Variants in ST18 observed in about 807,000 individuals in gnomAD.
ST18 encodes the protein ST18 C2H2C-type zinc finger transcription factor.
In ST18, 50 loss-of-function variants were observed where a neutral mutation model predicts 110.0. The observed-to-expected ratio is 0.45, with a 90% CI of 0.36 to 0.58. The LOEUF (loss-of-function observed/expected upper bound fraction) is 0.58. Among genes scored for constraint, ST18 ranks in the 20% least tolerant of loss-of-function variants. ST18 has a pLI of 0.00. For synonymous variants in ST18, 461 were observed against 452.4 expected (o/e 1.02, Z -0.24); for missense variants, 1,306 against 1,280.1 (o/e 1.02, Z -0.31).
chr8:52,355,472 A>G (rs1822288305), intron 2 of ST18, among the ~76,000 whole-genome samples: 1 of 152,250 alleles, frequency 6.6e-6, no homozygotes, highest in South Asian at 2.1e-4. Context: ...GTGGATAATG[A>G]TAATAAAGAT....
At chr8:52,299,270 C>T (rs1282364091) in intron 2 of ST18, among the ~76,000 whole-genome samples, 2 of 152,112 alleles carry the variant, frequency 1.3e-5, no homozygotes, top group Non-Finnish European at 2.9e-5. Flanking sequence ...TTGTTTCTCT[C>T]TGGGTAGCAT....
chr8:52,116,251 G>A (rs776876915), intron 25 of ST18, 24 bp downstream of exon 25: 3 of 1,606,822 alleles, frequency 1.9e-6, no homozygotes, highest in Non-Finnish European at 2.5e-6. Flanking sequence ...TAATGGAATG[G>A]CAAGGTTCTG....
intron 2 of ST18, among the ~76,000 whole-genome samples, chr8:52,241,442 T>C (rs967311134): frequency 1.6e-4 from 24 of 152,240 alleles, no homozygotes; most frequent in Non-Finnish European, 3.4e-4. Context: ...GAAGGCTGAG[T>C]AGTATAGTGA....
At chr8:52,317,938 C>T (rs2096060081) in intron 2 of ST18, among the ~76,000 whole-genome samples, 1 of 152,068 alleles carries the variant, frequency 6.6e-6, no homozygotes, top group Non-Finnish European at 1.5e-5. Context: ...TAGAAGAAAA[C>T]CTAGGCAATA....
At position 52,214,415 on chromosome 8, in the gene ST18, C is replaced by G. The variant is rs537765975; in HGVS notation, c.1-158G>C. ...TATAGTACATAACTGTGACTCCCCC[C>G]ACATACCACCAGCTTTGGAAATACA... On this transcript the variant is annotated intron_variant, in intron 6 of 25. Coordinates refer to ENST00000689386, the MANE Select transcript of ST18 (RefSeq NM_001352837.2). 75 of 629,774 alleles carry G rather than the reference C, an allele frequency of 1.2e-4. No homozygotes were observed. The South Asian group carries it at 1.5e-3, about 13-fold the overall frequency. The allele number at this position is 629,774 out of a possible 1,614,324, so 39.0% of individuals were successfully genotyped here. A position where few individuals can be genotyped will look rare whatever the true frequency, so the allele number is the denominator to read the frequency against.
chr8:52,146,193 T>C (rs749230283), intron 16 of ST18, among the ~76,000 whole-genome samples: 2 of 152,244 alleles, frequency 1.3e-5, no homozygotes, highest in Admixed American at 1.3e-4. Context: ...GGAACGCACA[T>C]AGCTATTCCA....
intron 2 of ST18, among the ~76,000 whole-genome samples, chr8:52,316,925 C>A (rs1489988791): frequency 6.6e-6 from 1 of 152,200 alleles, no homozygotes; most frequent in African/African-American, 2.4e-5. Context: ...TCACCCTTAT[C>A]AGGAATTTGG....
chr8:52,335,886 C>T (rs1811813412), intron 2 of ST18, among the ~76,000 whole-genome samples: 3 of 152,250 alleles, frequency 2.0e-5, no homozygotes, highest in East Asian at 1.9e-4. Flanking sequence ...CAATTACACA[C>T]TTCAGAGGCC....
At chr8:52,165,338 A>G in intron 11 of ST18, 113 bp from the exon 12 acceptor site, 1 of 963,748 alleles carries the variant, frequency 1.0e-6, no homozygotes, top group Non-Finnish European at 1.6e-6. Flanking sequence ...ATCATCCACC[A>G]TGCTCTCTCT....
At chr8:52,300,470 G>A (rs1047173781) in intron 2 of ST18, among the ~76,000 whole-genome samples, 28 of 152,230 alleles carry the variant, frequency 1.8e-4, no homozygotes, top group African/African-American at 6.5e-4. Flanking sequence ...ATATTTAAGC[G>A]GTTCACTCTG....
chr8:52,309,026 C>G (rs1370622341), intron 2 of ST18, among the ~76,000 whole-genome samples: 1 of 152,080 alleles, frequency 6.6e-6, no homozygotes, highest in Non-Finnish European at 1.5e-5. Context: ...ACAGGGGAAG[C>G]CAAGGGGAAA....
intron 10 of ST18, among the ~76,000 whole-genome samples, chr8:52,168,611 C>A (rs2133601704): frequency 6.6e-6 from 1 of 152,164 alleles, no homozygotes; most frequent in East Asian, 1.9e-4. Flanking sequence ...GGAGACAAGG[C>A]AGGAAGTCTT....
intron 2 of ST18, among the ~76,000 whole-genome samples, chr8:52,327,990 C>A (rs1017476280): frequency 2.4e-4 from 37 of 152,236 alleles, no homozygotes; most frequent in African/African-American, 8.7e-4. Context: ...GTGCTGATAT[C>A]CCATCTGGAA....
At chr8:52,197,996 C>A (rs1274976145) in intron 8 of ST18, among the ~76,000 whole-genome samples, 1 of 151,886 alleles carries the variant, frequency 6.6e-6, no homozygotes. Context: ...GTTTTAAAGA[C>A]CATGTGGCTG....
At chr8:52,383,314 A>G (rs1376302772) in intron 2 of ST18, among the ~76,000 whole-genome samples, 1 of 152,240 alleles carries the variant, frequency 6.6e-6, no homozygotes, top group Non-Finnish European at 1.5e-5. Context: ...AGAAAAATAC[A>G]TAAACAGAAA....
chr8:52,233,575 G>T (rs2091999626), intron 2 of ST18, among the ~76,000 whole-genome samples: 1 of 152,154 alleles, frequency 6.6e-6, no homozygotes. Flanking sequence ...AAGAGTTACA[G>T]TGATTCAGAC....
chr8:52,316,917 A>G (rs1269612814), intron 2 of ST18, among the ~76,000 whole-genome samples: 1 of 152,176 alleles, frequency 6.6e-6, no homozygotes, highest in East Asian at 1.9e-4. Context: ...CTAAAGTATC[A>G]CCCTTATCAG....
intron 8 of ST18, among the ~76,000 whole-genome samples, chr8:52,202,826 C>T (rs991192651): frequency 9.2e-5 from 14 of 151,770 alleles, no homozygotes; most frequent in South Asian, 6.3e-4. Flanking sequence ...AATAGGATGG[C>T]GATGATATTG....
At chr8:52,316,615 C>G (rs2096031844) in intron 2 of ST18, among the ~76,000 whole-genome samples, 1 of 152,144 alleles carries the variant, frequency 6.6e-6, no homozygotes, top group Non-Finnish European at 1.5e-5. Context: ...TTTAGACTTA[C>G]TTTTACTATT....
Sources: gnomAD v4.1 joint callset for allele counts (sites outside exome capture counted in the v4.1 genomes callset) on GRCh38, gnomAD v4.1.1 for gene constraint, MANE v1.5 for transcripts, NCBI Gene and HGNC (gene_info 2026-07-23, HGNC 2026-07-21) for gene names.